The following ATP9A variants were observed in gnomAD, a reference collection of about 807,000 sequenced individuals.
ATP9A encodes the protein ATPase phospholipid transporting 9A.
A neutral mutation model predicts 144.1 loss-of-function variants in ATP9A; 52 were observed. The observed-to-expected ratio is 0.36, with a 90% CI of 0.29 to 0.45. The LOEUF is 0.45. Ranked by LOEUF, ATP9A falls within the 20% of genes least tolerant of loss-of-function variation. The pLI is 1.00. For missense variants in ATP9A, 947 were observed against 1,392.7 expected, an observed-to-expected ratio of 0.68 and a Z score of 5.09; for synonymous variants, 582 against 557.4, an observed-to-expected ratio of 1.04 and a Z score of -0.62.
chr20:51,627,821 G>A (rs149904893), intron 16 of ATP9A, 138 bp from the exon 17 acceptor site: 14 of 729,682 alleles, frequency 1.9e-5, no homozygotes, highest in South Asian at 1.5e-4. Context: ...TTTCCCCTAC[G>A]GCAATCCTCC....
At chr20:51,721,153 G>A (rs143188059) in intron 3 of ATP9A, among the ~76,000 whole-genome samples, 9 of 152,316 alleles carry the variant, frequency 5.9e-5, no homozygotes, top group Admixed American at 2.0e-4. Context: ...CACGTACGGC[G>A]TATGCACGCC....
At chr20:51,715,911 A>G (rs1011728261) in intron 3 of ATP9A, among the ~76,000 whole-genome samples, 1 of 152,202 alleles carries the variant, frequency 6.6e-6, no homozygotes, top group African/African-American at 2.4e-5. Flanking sequence ...ACTCACAGAC[A>G]AGCAACTCTG....
chr20:51,694,174 G>C, intron 6 of ATP9A, 72 bp from the exon 7 acceptor site: 1 of 1,204,906 alleles, frequency 8.3e-7, no homozygotes, highest in East Asian at 2.4e-5. Context: ...GGCAGCGTCT[G>C]CTCTGGTCCT....
At chr20:51,674,943 G>A (rs190903934) in intron 10 of ATP9A, among the ~76,000 whole-genome samples, 270 of 152,226 alleles carry the variant, frequency 1.8e-3, no homozygotes, top group Non-Finnish European at 3.3e-3. Context: ...CTCCCGATAA[G>A]CTGGGATTAT....
At chr20:51,625,135 C>A in intron 18 of ATP9A, 57 bp downstream of exon 18, 1 of 1,538,010 alleles carries the variant, frequency 6.5e-7, no homozygotes. Flanking sequence ...CCCTGCACTG[C>A]TGAGGGATAA....
intron 15 of ATP9A, among the ~76,000 whole-genome samples, chr20:51,636,472 G>C (rs1012939300): frequency 1.3e-5 from 2 of 152,216 alleles, no homozygotes; most frequent in South Asian, 4.1e-4. Context: ...GCAATACGTA[G>C]TTAATATCCC....
chr20:51,626,630 C>T (rs1484308146), intron 17 of ATP9A, among the ~76,000 whole-genome samples: 4 of 150,494 alleles, frequency 2.7e-5, no homozygotes, highest in East Asian at 1.9e-4. Context: ...GGCAGCATAG[C>T]GAGACCCCGT....
At chr20:51,624,616 C>T (rs373443681) in intron 18 of ATP9A, among the ~76,000 whole-genome samples, 59 of 152,310 alleles carry the variant, frequency 3.9e-4, no homozygotes, top group African/African-American at 1.4e-3. Flanking sequence ...GCCATGCACG[C>T]TGGACACTGC....
chr20:51,665,046 A>G (rs2077426911), intron 13 of ATP9A, among the ~76,000 whole-genome samples: 1 of 152,124 alleles, frequency 6.6e-6, no homozygotes, highest in South Asian at 2.1e-4. Flanking sequence ...TAAATTTTAA[A>G]TCATCATACC....
chr20:51,649,301 A>G (rs777192121), intron 14 of ATP9A, among the ~76,000 whole-genome samples: 1 of 152,170 alleles, frequency 6.6e-6, no homozygotes, highest in Non-Finnish European at 1.5e-5. Flanking sequence ...GGAAAGTGGT[A>G]TTGTGGGTTG....
Position 51,664,605 on chromosome 20 carries a change from AAAAT to A in ATP9A, c.1293+5388_1293+5391del, listed in dbSNP as rs772066645. 1.1e-4 allele frequency among the ~76,000 whole-genome samples: 17 copies of A among 152,326 alleles called. 1 individual carries two copies. Among genetic ancestry groups the A allele is most frequent in the Admixed American group, 7.8e-4 (12 of 15,288 alleles). ...ACTCTGTCTCAAAAAAATAAAAATA[AAAAT>A]AAATAAGAAAACAAAATGAAAAATA... On this transcript the variant is annotated intron_variant, in intron 13 of 27. Coordinates refer to ENST00000338821, the MANE Select transcript of ATP9A (RefSeq NM_006045.3).
chr20:51,702,125 C>G (rs1158046166), intron 4 of ATP9A, among the ~76,000 whole-genome samples: 3 of 151,894 alleles, frequency 2.0e-5, no homozygotes, highest in African/African-American at 7.3e-5. Context: ...TAGTGAAACC[C>G]TGTCTCCACT....
chr20:51,697,762 G>A (rs896901322), intron 4 of ATP9A, among the ~76,000 whole-genome samples: 4 of 152,184 alleles, frequency 2.6e-5, no homozygotes, highest in Non-Finnish European at 1.5e-5. Flanking sequence ...GACTTAGATG[G>A]AAAGTAGTGG....
chr20:51,751,312 T>C (rs1426303325), intron 1 of ATP9A, among the ~76,000 whole-genome samples: 1 of 145,008 alleles, frequency 6.9e-6, no homozygotes, highest in Non-Finnish European at 1.5e-5. Context: ...CATGCTGGAG[T>C]GCAGTGACGC....
chr20:51,710,963 T>TG (rs2077635951), intron 4 of ATP9A, among the ~76,000 whole-genome samples: 4 of 152,192 alleles, frequency 2.6e-5, no homozygotes, highest in Admixed American at 1.3e-4. Context: ...CTCTCTCCGA[T>TG]GGGGCTTTTG....
chr20:51,749,688 T>G (rs2077823434), intron 1 of ATP9A, among the ~76,000 whole-genome samples: 1 of 152,132 alleles, frequency 6.6e-6, no homozygotes, highest in Non-Finnish European at 1.5e-5. Flanking sequence ...GCTTAAAAAT[T>G]TCTAGAACAA....
At chr20:51,750,302 C>T (rs2077825914) in intron 1 of ATP9A, among the ~76,000 whole-genome samples, 1 of 152,310 alleles carries the variant, frequency 6.6e-6, no homozygotes, top group Middle Eastern at 3.4e-3. Flanking sequence ...GGCACACAAA[C>T]GTGCTCCGTC....
At chr20:51,663,313 G>A (rs2077418775) in intron 13 of ATP9A, among the ~76,000 whole-genome samples, 1 of 152,200 alleles carries the variant, frequency 6.6e-6, no homozygotes, top group South Asian at 2.1e-4. Context: ...TGTCCACCCA[G>A]GTGTTAATAC....
intron 3 of ATP9A, among the ~76,000 whole-genome samples, chr20:51,722,696 G>C (rs1601127205): frequency 6.6e-6 from 1 of 152,164 alleles, no homozygotes; most frequent in Non-Finnish European, 1.5e-5. Context: ...AAAAACAGTA[G>C]ATGTTGGCGT....
Sources: gnomAD v4.1 joint callset for allele counts (sites outside exome capture counted in the v4.1 genomes callset) on GRCh38, gnomAD v4.1.1 for gene constraint, MANE v1.5 for transcripts, NCBI Gene and HGNC (gene_info 2026-07-23, HGNC 2026-07-21) for gene names.